Variants in CCDC61 observed in about 807,000 individuals in gnomAD.
The protein encoded by CCDC61 is coiled-coil domain containing 61, also known as centrosomal protein CCDC61.
CCDC61 carries 55 observed loss-of-function variants against 63.0 expected under a neutral mutation model. That is an observed-to-expected ratio of 0.87 (90% CI 0.70 to 1.09). The LOEUF is 1.09. CCDC61 is among the 50% of genes least tolerant of loss of function. The pLI is 0.00. For synonymous variants in CCDC61, 270 were observed against 317.0 expected (o/e 0.85, Z 1.58); for missense variants, 651 against 731.4 (o/e 0.89, Z 1.27).
chr19:46,000,177 A>C (rs1380101142), intron 1 of CCDC61: 7 of 317,752 alleles, frequency 2.2e-5, no homozygotes, highest in Non-Finnish European at 3.0e-5. Context: ...GGCTCTCTAA[A>C]GGGAAGAGAG....
Position 46,015,241 on chromosome 19 carries a change from C to T in CCDC61, c.744C>T (p.Cys248=). Residue 248 remains cysteine (C), a synonymous_variant, in exon 6 of 14, where the codon TGC becomes TGT. Coordinates refer to ENST00000595358, the MANE Select transcript of CCDC61 (RefSeq NM_001267723.2). This position sits in a 1 kb window ranked among gnomAD's most constrained non-coding sequence, Gnocchi z 5.3. Reference sequence around the variant, plus strand: ...TGGCCGGCCGTCGCGGCCAGGACTGCCGCCGTCTGGCCAAGGAGGTGAGCA... The same window carrying T: ...TGGCCGGCCGTCGCGGCCAGGACTGTCGCCGTCTGGCCAAGGAGGTGAGCA... The part of the protein sequence containing the change: ...HRVAGRRGQD[C]RRLAKELEEA... The T allele has an allele frequency of 7.1e-7, 1 of 1,402,776 alleles. No individual in the cohort carries two copies. Among genetic ancestry groups the T allele is most frequent in the East Asian group, 2.9e-5 (1 of 34,068 alleles). 86.9% of individuals were successfully genotyped at this position (1,402,776 alleles called of 1,614,324 possible).
At position 46,016,838 on chromosome 19, in the gene CCDC61, C is replaced by G. The variant is rs1422531758; in HGVS notation, c.1231+5C>G. On this transcript the variant is annotated splice_donor_5th_base_variant and intron_variant, in intron 10 of 13. Transcript: ENST00000595358. This position sits in a 1 kb window ranked among gnomAD's most constrained non-coding sequence, Gnocchi z 7.2. The stretch of plus-strand genomic sequence containing the variant: ...CCCGAAACCGCAGCTCCTCAGGTAA[C>G]TGGCCTGGAGCTGGGGGCTGCCGGG... 1.3e-5 allele frequency: 19 copies of G among 1,480,168 alleles called. No individual in the cohort carries two copies. The highest frequency in any genetic ancestry group is 1.6e-5 in the Non-Finnish European group (18 of 1,108,104). 91.7% of individuals were successfully genotyped at this position (1,480,168 alleles called of 1,614,324 possible). A position where few individuals can be genotyped will look rare whatever the true frequency, so the allele number is the denominator to read the frequency against.
chr19:46,010,843 A>G (rs1324359277), intron 5 of CCDC61, among the ~76,000 whole-genome samples: 1 of 152,158 alleles, frequency 6.6e-6, no homozygotes, highest in Non-Finnish European at 1.5e-5. Context: ...ATCAGTGTGT[A>G]TCTTTAACAC....
At position 46,009,816 on chromosome 19, in the gene CCDC61, A is replaced by ATGTGTGTGTGTG. The variant is rs761965873; in HGVS notation, c.551+1526_551+1537dup. 5.0e-4 allele frequency among the ~76,000 whole-genome samples: 57 copies of ATGTGTGTGTGTG among 113,312 alleles called. 1 individual carries two copies. The highest frequency in any genetic ancestry group is 1.5e-3 in the South Asian group (6 of 4,120). 74.3% of individuals were successfully genotyped at this position (113,312 alleles called of 152,430 possible). ...CTGCTCTCAGGCTGTGTGTGTGTGT[A>ATGTGTGTGTGTG]TGTGTGTGTGTGTGTGTGTGTGCGC... On this transcript the variant is annotated intron_variant, in intron 5 of 13. Coordinates refer to ENST00000595358, the MANE Select transcript of CCDC61 (RefSeq NM_001267723.2).
chr19:46,006,289 G>A (rs78646525), intron 3 of CCDC61, among the ~76,000 whole-genome samples: 6 of 152,164 alleles, frequency 3.9e-5, no homozygotes, highest in Admixed American at 2.0e-4. Flanking sequence ...AAAGGGTCTC[G>A]TGGACCCCCC....
intron 3 of CCDC61, 41 bp downstream of exon 3, chr19:46,003,542 T>C: frequency 7.5e-7 from 1 of 1,333,398 alleles, no homozygotes; most frequent in Non-Finnish European, 1.1e-6. Context: ...AGGGGGGTTC[T>C]GTCTTCCAGG....
intron 5 of CCDC61, among the ~76,000 whole-genome samples, chr19:46,010,503 C>T (rs1968808320): frequency 6.6e-6 from 1 of 152,086 alleles, no homozygotes; most frequent in Non-Finnish European, 1.5e-5. Flanking sequence ...TCGTTCTTGC[C>T]AGGAGAAGAG....
rs1568697653 is a variant in CCDC61 at position 46,016,688 on chromosome 19, TC to T, written c.1092-3del. The T allele has an allele frequency of 2.5e-6, 4 of 1,611,992 alleles. No individual in the cohort carries two copies. In the South Asian group the frequency reaches 4.4e-5, roughly 18 times the overall value. ...ACAGACCGGCGTCTCCTTTCTTTTTTCCCAGGCAGCAGCAGCGGAACCGCTT... is the reference window on the plus strand; with the variant it reads ...ACAGACCGGCGTCTCCTTTCTTTTTTCCAGGCAGCAGCAGCGGAACCGCTT... On this transcript the variant is annotated splice_polypyrimidine_tract_variant and splice_region_variant and intron_variant, in intron 9 of 13. Transcript: ENST00000595358. The surrounding 1 kb of genome is among the most constrained non-coding windows in gnomAD (Gnocchi z 7.2).
At chr19:46,010,928 G>A (rs759917896) in intron 5 of CCDC61, among the ~76,000 whole-genome samples, 8 of 152,288 alleles carry the variant, frequency 5.3e-5, no homozygotes, top group South Asian at 2.1e-4. Context: ...AACCCACTGC[G>A]TATGCGTTCA....
chr19:46,000,105 C>T, intron 1 of CCDC61: 5 of 970,920 alleles, frequency 5.1e-6, no homozygotes, highest in Non-Finnish European at 6.1e-6. Flanking sequence ...GCTCAGGGTC[C>T]GGGGAATCCT....
rs1291333611 is a variant in CCDC61 at position 46,016,878 on chromosome 19, G to C, written c.1231+45G>C. The C allele has an allele frequency of 2.1e-5, 31 of 1,499,174 alleles. No homozygotes were observed. Among genetic ancestry groups the C allele is most frequent in the Middle Eastern group, 4.8e-4 (2 of 4,166 alleles). 92.9% of individuals were successfully genotyped at this position (1,499,174 alleles called of 1,614,324 possible). ...GGGCTGCCGGGCTAGGCGGGACTGGGCGGGGCTGGGCGGGCTGGGAGGCAC... is the reference window on the plus strand; with the variant it reads ...GGGCTGCCGGGCTAGGCGGGACTGGCCGGGGCTGGGCGGGCTGGGAGGCAC... On this transcript the variant is annotated intron_variant, in intron 10 of 13. Transcript: ENST00000595358. The surrounding 1 kb of genome is among the most constrained non-coding windows in gnomAD (Gnocchi z 7.2).
chr19:46,016,564 G>A lies in CCDC61; in HGVS notation c.1092-130G>A. 5 of 1,442,848 alleles carry A rather than the reference G, an allele frequency of 3.5e-6. No individual in the cohort carries two copies. The highest frequency in any genetic ancestry group is 4.7e-6 in the Non-Finnish European group (5 of 1,059,212). The allele number at this position is 1,442,848 out of a possible 1,614,324, so 89.4% of individuals were successfully genotyped here. A position where few individuals can be genotyped will look rare whatever the true frequency, so the allele number is the denominator to read the frequency against. On this transcript the variant is annotated intron_variant, in intron 9 of 13. Transcript: ENST00000595358. This position sits in a 1 kb window ranked among gnomAD's most constrained non-coding sequence, Gnocchi z 7.2. ...GTCCTACCTCCTCGTCTGTGTTTCTGCGTGCTTTCCGCTCGTAGGCCTGTC... is the reference window on the plus strand; with the variant it reads ...GTCCTACCTCCTCGTCTGTGTTTCTACGTGCTTTCCGCTCGTAGGCCTGTC...
At chr19:45,998,891 A>G (rs1429719577) in intron 1 of CCDC61, among the ~76,000 whole-genome samples, 2 of 152,204 alleles carry the variant, frequency 1.3e-5, no homozygotes, top group Non-Finnish European at 2.9e-5. Flanking sequence ...TGAACCCAGA[A>G]GTACCCAGCC....
At chr19:46,007,861 T>C (rs1968742121) in intron 4 of CCDC61, among the ~76,000 whole-genome samples, 1 of 152,138 alleles carries the variant, frequency 6.6e-6, no homozygotes, top group African/African-American at 2.4e-5. Flanking sequence ...CAGCATTCCC[T>C]TCATCAGCAG....
At chr19:45,996,951 A>G (rs34940607) in intron 1 of CCDC61, among the ~76,000 whole-genome samples, 51,901 of 151,768 alleles carry the variant, frequency 0.34, 9,223 homozygotes, top group East Asian at 0.55. Context: ...TCTCCTTTCA[A>G]ACCCTCTCCT....
chr19:46,017,910 G>A (rs932034795), intron 12 of CCDC61, among the ~76,000 whole-genome samples, 168 bp from the exon 13 acceptor site: 3 of 152,086 alleles, frequency 2.0e-5, no homozygotes, highest in African/African-American at 7.2e-5. Flanking sequence ...TGTGAGGTGA[G>A]GGCTCTGTGA....
Position 46,016,467 on chromosome 19 carries a change from C to T in CCDC61, c.1091+74C>T. On this transcript the variant is annotated intron_variant, in intron 9 of 13. Coordinates refer to ENST00000595358, the MANE Select transcript of CCDC61 (RefSeq NM_001267723.2). This position sits in a 1 kb window ranked among gnomAD's most constrained non-coding sequence, Gnocchi z 7.2. Reference sequence around the variant, plus strand: ...GCTCCCGGGCTCTCATCTCTCCACGCCACCATCAGTCTCCATCCCCTGCCA... The same window carrying T: ...GCTCCCGGGCTCTCATCTCTCCACGTCACCATCAGTCTCCATCCCCTGCCA... The T allele has an allele frequency of 6.5e-6, 10 of 1,543,254 alleles. No homozygotes were observed. The South Asian group carries it at 1.0e-4, about 16-fold the overall frequency.
chr19:46,003,557 A>G, intron 3 of CCDC61, 56 bp downstream of exon 3: 1 of 1,311,978 alleles, frequency 7.6e-7, no homozygotes, highest in East Asian at 2.4e-5. Flanking sequence ...TCCAGGTTCC[A>G]GGGGGGTTGA....
intron 1 of CCDC61, among the ~76,000 whole-genome samples, chr19:45,996,760 A>G (rs1968500448): frequency 6.6e-6 from 1 of 152,162 alleles, no homozygotes; most frequent in African/African-American, 2.4e-5. Context: ...AGCAGATCGC[A>G]TTAGCTCTGT....
Sources: gnomAD v4.1 joint callset for allele counts (sites outside exome capture counted in the v4.1 genomes callset) on GRCh38, gnomAD v4.1.1 for gene constraint, Gnocchi (gnomAD v3.1) non-coding constraint, MANE v1.5 for transcripts, NCBI Gene and HGNC (gene_info 2026-07-23, HGNC 2026-07-21) for gene names.